Variants in KIF13B observed in about 807,000 individuals in gnomAD.
KIF13B encodes the protein kinesin family member 13B.
KIF13B carries 127 observed loss-of-function variants against 222.0 expected under a neutral mutation model. The observed-to-expected ratio is 0.57, with a 90% CI of 0.50 to 0.66. KIF13B has a LOEUF of 0.66. Among genes scored for constraint, KIF13B ranks in the 30% least tolerant of loss-of-function variants. The pLI is 0.00. For synonymous variants in KIF13B, 976 were observed against 919.0 expected, an observed-to-expected ratio of 1.06 and a Z score of -1.12; for missense variants, 2,173 against 2,379.0, an observed-to-expected ratio of 0.91 and a Z score of 1.80.
intron 8 of KIF13B, among the ~76,000 whole-genome samples, chr8:29,178,412 T>G: frequency 6.6e-6 from 1 of 152,282 alleles, no homozygotes; most frequent in Non-Finnish European, 1.5e-5. Flanking sequence ...TTTTTCTAAT[T>G]AAGATATTAT....
At chr8:29,146,938 C>T (rs529715132) in intron 17 of KIF13B, among the ~76,000 whole-genome samples, 1 of 152,310 alleles carries the variant, frequency 6.6e-6, no homozygotes, top group South Asian at 2.1e-4. Context: ...TAGTGAAGTA[C>T]AGTCTGCAAC....
chr8:29,192,392 TG>T (rs1235347873), intron 3 of KIF13B, among the ~76,000 whole-genome samples: 13 of 152,096 alleles, frequency 8.5e-5, no homozygotes, highest in African/African-American at 3.1e-4. Flanking sequence ...TGCTGGTCCT[TG>T]AAGTTATATA....
intron 37 of KIF13B, among the ~76,000 whole-genome samples, chr8:29,090,385 C>T (rs1349347738): frequency 6.6e-6 from 1 of 152,166 alleles, no homozygotes; most frequent in Non-Finnish European, 1.5e-5. Flanking sequence ...AAAGAACACC[C>T]CCGTTGGAGC....
intron 37 of KIF13B, among the ~76,000 whole-genome samples, chr8:29,089,527 C>T (rs1044971011): frequency 6.6e-6 from 1 of 152,142 alleles, no homozygotes; most frequent in African/African-American, 2.4e-5. Context: ...GCACAACAAG[C>T]CTTGCCCTCA....
At chr8:29,156,672 C>T (rs1287357162) in intron 13 of KIF13B, among the ~76,000 whole-genome samples, 2 of 151,082 alleles carry the variant, frequency 1.3e-5, no homozygotes, top group African/African-American at 4.9e-5. Flanking sequence ...ACCACCTTGA[C>T]CAACTAATTT....
intron 24 of KIF13B, 100 bp from the exon 25 acceptor site, chr8:29,127,368 AT>A (rs1810159841): frequency 4.2e-6 from 4 of 949,282 alleles, no homozygotes; most frequent in Admixed American, 4.6e-5. Context: ...AAAATGTTTA[AT>A]TCAGACACTG....
intron 35 of KIF13B, among the ~76,000 whole-genome samples, chr8:29,101,872 C>T (rs1245707360): frequency 2.0e-5 from 3 of 152,162 alleles, no homozygotes; most frequent in African/African-American, 7.2e-5. Flanking sequence ...CAGCTGACGC[C>T]TACGAATCTC....
In KIF13B at chr8:29,167,262, C is replaced by T. The variant is rs180704886; in HGVS notation, c.1158+111G>A. 456 of 798,424 alleles carry T rather than the reference C, an allele frequency of 5.7e-4. 6 individuals are homozygous for T. Among genetic ancestry groups the T allele is most frequent in the African/African-American group, 5.5e-3 (317 of 57,678 alleles). The allele number at this position is 798,424 out of a possible 1,614,324, so 49.5% of individuals were successfully genotyped here. On this transcript the variant is annotated intron_variant, in intron 11 of 39. Transcript: ENST00000524189. ...CAAAGTTCTCTTGCTGTAAGAAATTCGCAAATTTTAAGTAGAGTACTCATC... is the reference window on the plus strand; with the variant it reads ...CAAAGTTCTCTTGCTGTAAGAAATTTGCAAATTTTAAGTAGAGTACTCATC...
intron 1 of KIF13B, among the ~76,000 whole-genome samples, chr8:29,246,246 G>A (rs894738823): frequency 6.6e-6 from 1 of 151,938 alleles, no homozygotes; most frequent in Non-Finnish European, 1.5e-5. Context: ...ACATGGTGGT[G>A]GGCACCTGTA....
At position 29,134,228 on chromosome 8, in the gene KIF13B, C is replaced by T. The variant is rs367574761; in HGVS notation, c.2614-18G>A. The T allele has an allele frequency of 4.3e-6, 7 of 1,609,592 alleles. No homozygotes were observed. Among genetic ancestry groups the T allele is most frequent in the Non-Finnish European group, 5.9e-6 (7 of 1,178,036 alleles). On this transcript the variant is annotated intron_variant, in intron 21 of 39. Coordinates refer to ENST00000524189, the MANE Select transcript of KIF13B (RefSeq NM_015254.4). ...ATTTTAACCTGAAGGAAAAAGAAGG[C>T]TCTGTGTTTTGAAATCTGAGGGTTC...
chr8:29,150,296 C>T lies in KIF13B; in HGVS notation c.1622+1G>A. On this transcript the variant is annotated splice_donor_variant, in intron 15 of 39. Coordinates refer to ENST00000524189, the MANE Select transcript of KIF13B (RefSeq NM_015254.4). LOFTEE classifies it high-confidence loss of function. ...TTTAAGGGACATGAACAACATCATA[C>T]CTGAAGAAATGATTGTTTCCCCATA... 1 of 1,529,474 alleles carries T rather than the reference C, an allele frequency of 6.5e-7. No individual in the cohort carries two copies. 94.7% of individuals were successfully genotyped at this position (1,529,474 alleles called of 1,614,324 possible). A position where few individuals can be genotyped will look rare whatever the true frequency, so the allele number is the denominator to read the frequency against.
At position 29,099,261 on chromosome 8, in the gene KIF13B, C is replaced by T. The variant is rs1180836758; in HGVS notation, c.4216-20G>A. 2 of 1,541,388 alleles carry T rather than the reference C, an allele frequency of 1.3e-6. No individual in the cohort carries two copies. The highest frequency in any genetic ancestry group is 2.4e-5 in the South Asian group (2 of 82,994). On this transcript the variant is annotated intron_variant, in intron 35 of 39. Transcript: ENST00000524189. ...CCGGCCCTAGTAAAGACAAAATTGG[C>T]AATTTTGTTTCAAGTTATTCAATTA...
At chr8:29,092,650 A>T in intron 37 of KIF13B, 95 bp downstream of exon 37, 1 of 1,373,004 alleles carries the variant, frequency 7.3e-7, no homozygotes, top group Non-Finnish European at 9.7e-7. Context: ...TTTAGCCCCA[A>T]CCCAGAGGCC....
In KIF13B at chr8:29,155,142, G is replaced by A. The variant is rs188718474; in HGVS notation, c.1535+584C>T. Among the ~76,000 whole-genome samples, 21 of 152,176 alleles carry A rather than the reference G, an allele frequency of 1.4e-4. No homozygotes were observed. In the East Asian group the frequency reaches 2.1e-3, roughly 15 times the overall value. On this transcript the variant is annotated intron_variant, in intron 14 of 39. Transcript: ENST00000524189. ...CCTGTGTACTAGTCTCATATTATGCGCCAGGAATGGAGAATCAAAAAAAGA... is the reference window on the plus strand; with the variant it reads ...CCTGTGTACTAGTCTCATATTATGCACCAGGAATGGAGAATCAAAAAAAGA...
intron 2 of KIF13B, among the ~76,000 whole-genome samples, chr8:29,220,661 T>G (rs1269239807): frequency 6.6e-6 from 1 of 151,592 alleles, no homozygotes; most frequent in Non-Finnish European, 1.5e-5. Context: ...GGTCTAGCAC[T>G]GACAGAAAAA....
intron 2 of KIF13B, among the ~76,000 whole-genome samples, chr8:29,233,594 A>T (rs1271324973): frequency 6.6e-6 from 1 of 152,056 alleles, no homozygotes; most frequent in Non-Finnish European, 1.5e-5. Flanking sequence ...TGGTATCAAA[A>T]CCCCTTTACA....
At chr8:29,130,458 T>C (rs1053732832) in intron 24 of KIF13B, 75 bp downstream of exon 24, 1 of 1,453,806 alleles carries the variant, frequency 6.9e-7, no homozygotes, top group Non-Finnish European at 9.6e-7. Flanking sequence ...ATTGCCAACA[T>C]TTCCACTAAA....
At chr8:29,196,224 C>G (rs1813413173) in intron 2 of KIF13B, 25 bp from the exon 3 acceptor site, 1 of 1,515,826 alleles carries the variant, frequency 6.6e-7, no homozygotes, top group Non-Finnish European at 8.8e-7. Flanking sequence ...CAGATGTCAT[C>G]ATTGACGTGA....
chr8:29,115,998 T>A (rs903793931), intron 31 of KIF13B, among the ~76,000 whole-genome samples: 2 of 152,222 alleles, frequency 1.3e-5, no homozygotes, highest in East Asian at 3.9e-4. Context: ...CACCACGTGC[T>A]CAGCTCAGGC....
Sources: gnomAD v4.1 joint callset for allele counts (sites outside exome capture counted in the v4.1 genomes callset) on GRCh38, gnomAD v4.1.1 for gene constraint, MANE v1.5 for transcripts, NCBI Gene and HGNC (gene_info 2026-07-23, HGNC 2026-07-21) for gene names.